PEPD: variants seen among roughly 807,000 people sequenced by gnomAD.
PEPD encodes xaa-Pro dipeptidase.
PEPD carries 53 observed loss-of-function variants against 60.7 expected under a neutral mutation model. That is an observed-to-expected ratio of 0.87 (90% confidence interval 0.70 to 1.10). The LOEUF is 1.10. PEPD is among the 50% of genes least tolerant of loss of function. PEPD has a pLI of 0.00. For missense variants in PEPD, 711 were observed against 711.9 expected (o/e 1.00, Z 0.01); for synonymous variants, 267 against 284.1 (o/e 0.94, Z 0.60).
chr19:33,404,645 T>A (rs1366569520), intron 11 of PEPD, among the ~76,000 whole-genome samples: 2 of 152,194 alleles, frequency 1.3e-5, no homozygotes, highest in Non-Finnish European at 2.9e-5. Flanking sequence ...CCAGCCTGAC[T>A]TTATCTTCCA....
chr19:33,387,406 C>T lies in PEPD; in HGVS notation c.1420G>A (p.Glu474Lys), dbSNP rs761839916. The T allele has an allele frequency of 4.2e-5, 67 of 1,614,006 alleles. No homozygotes were observed. Among genetic ancestry groups the T allele is most frequent in the Non-Finnish European group, 5.4e-5 (64 of 1,180,064 alleles). Residue 474 changes from glutamate (E) to lysine (K), a missense_variant, in exon 15 of 15, where the codon GAG (glutamate) becomes AAG (lysine). Glu to Lys is a moderately conservative substitution (Grantham distance 56). Coordinates refer to ENST00000244137, the MANE Select transcript of PEPD (RefSeq NM_000285.4). Reference sequence around the variant, plus strand: ...CAGCCTGCCATGCATGCTTCAATCTCTTCCACAGTGCGGGGCACGCAGGTC... The same window carrying T: ...CAGCCTGCCATGCATGCTTCAATCTTTTCCACAGTGCGGGGCACGCAGGTC... Reference protein sequence around the residue: ...LLTCVPRTVEEIEACMAGCDK... With the variant: ...LLTCVPRTVEKIEACMAGCDK...
At chr19:33,476,205 G>A (rs1568490610) in intron 7 of PEPD, among the ~76,000 whole-genome samples, 1 of 152,156 alleles carries the variant, frequency 6.6e-6, no homozygotes, top group East Asian at 1.9e-4. Flanking sequence ...TGAACTTGAA[G>A]AACACCAGCC....
At chr19:33,436,021 C>T (rs866397234) in intron 9 of PEPD, among the ~76,000 whole-genome samples, 1 of 152,178 alleles carries the variant, frequency 6.6e-6, no homozygotes, top group African/African-American at 2.4e-5. Flanking sequence ...CCCAGGGCTC[C>T]CTCTGACATC....
intron 2 of PEPD, 131 bp downstream of exon 2, chr19:33,512,462 C>A (rs1358557251): frequency 1.2e-6 from 1 of 868,514 alleles, no homozygotes; most frequent in African/African-American, 1.7e-5. Flanking sequence ...GGACCACTTC[C>A]CAGGCGAGGA....
intron 3 of PEPD, among the ~76,000 whole-genome samples, chr19:33,507,862 C>T (rs988530481): frequency 4.6e-5 from 7 of 152,108 alleles, no homozygotes; most frequent in Non-Finnish European, 8.8e-5. Flanking sequence ...CAGGGTCACT[C>T]CAGGACAGTG....
In PEPD at chr19:33,490,069, G is replaced by C. The variant is rs941969423; in HGVS notation, c.442-12C>G. The C allele has an allele frequency of 6.2e-7, 1 of 1,607,230 alleles. No homozygotes were observed. The highest frequency in any genetic ancestry group is 8.5e-7 in the Non-Finnish European group (1 of 1,174,428). On this transcript the variant is annotated splice_polypyrimidine_tract_variant and intron_variant, in intron 5 of 14. Transcript: ENST00000244137. Reference sequence around the variant, plus strand: ...GTGTTGACGCCACGCTGGGGAGAGAGAACACAGACATGACACACGGGGCCG... The same window carrying C: ...GTGTTGACGCCACGCTGGGGAGAGACAACACAGACATGACACACGGGGCCG...
At position 33,512,661 on chromosome 19, in the gene PEPD, T is replaced by C. The variant is rs369878645; in HGVS notation, c.133A>G (p.Ile45Val). ...RKNPAVQAGSIVVLQGGEETQ... is the reference protein window; with the variant it reads ...RKNPAVQAGSVVVLQGGEETQ... ...TCCTCCCCGCCCTGCAGGACCACGA[T>C]GGAGCCGGCCTGCACAGCAGGGTTC... Residue 45 changes from isoleucine to valine, a missense_variant, in exon 2 of 15, where the codon ATC becomes GTC. By Grantham distance (29) the Ile-to-Val change is conservative. Coordinates refer to ENST00000244137, the MANE Select transcript of PEPD (RefSeq NM_000285.4). 48 of 1,613,976 alleles carry C rather than the reference T, an allele frequency of 3.0e-5. No homozygotes were observed. In the African/African-American group the frequency reaches 4.5e-4, roughly 15 times the overall value.
At chr19:33,514,682 C>T (rs1970993875) in intron 1 of PEPD, among the ~76,000 whole-genome samples, 1 of 151,714 alleles carries the variant, frequency 6.6e-6, no homozygotes, top group Non-Finnish European at 1.5e-5. Context: ...GGGAGGAAGA[C>T]AGTGGATCCA....
chr19:33,464,639 G>C (rs1037766967), intron 7 of PEPD, among the ~76,000 whole-genome samples: 1 of 152,208 alleles, frequency 6.6e-6, no homozygotes, highest in Admixed American at 6.5e-5. Flanking sequence ...ACCAGGAGCA[G>C]AGAAGAGGGA....
chr19:33,512,006 C>A (rs1970936092), intron 2 of PEPD, among the ~76,000 whole-genome samples: 1 of 152,188 alleles, frequency 6.6e-6, no homozygotes, highest in Non-Finnish European at 1.5e-5. Flanking sequence ...ATATCCTCTC[C>A]ACACTCAGCT....
At chr19:33,401,694 G>T in intron 12 of PEPD, 27 bp downstream of exon 12, 7 of 1,595,070 alleles carry the variant, frequency 4.4e-6, no homozygotes, top group Non-Finnish European at 6.0e-6. Context: ...CGTCAGATGC[G>T]CCTCCCCCCA....
At chr19:33,393,827 A>G (rs1968297778) in intron 12 of PEPD, among the ~76,000 whole-genome samples, 1 of 151,966 alleles carries the variant, frequency 6.6e-6, no homozygotes, top group African/African-American at 2.4e-5. Flanking sequence ...CATCCTCCAG[A>G]GGCCAGACCA....
At chr19:33,403,140 G>A (rs1968541138) in intron 11 of PEPD, among the ~76,000 whole-genome samples, 3 of 152,186 alleles carry the variant, frequency 2.0e-5, no homozygotes, top group Non-Finnish European at 1.5e-5. Flanking sequence ...AGGGGGCGGA[G>A]GGGCGCAGGT....
At chr19:33,481,612 C>T (rs961403694) in intron 6 of PEPD, among the ~76,000 whole-genome samples, 1 of 151,980 alleles carries the variant, frequency 6.6e-6, no homozygotes, top group African/African-American at 2.4e-5. Flanking sequence ...CAGACCTTAA[C>T]AAGAGATCAA....
rs1970535765 is a variant in PEPD, at chr19:33,493,319, A to G, written c.412T>C (p.Ser138Pro). 1 of 1,613,584 alleles carries G rather than the reference A, an allele frequency of 6.2e-7. No individual in the cohort carries two copies. The highest frequency in any genetic ancestry group is 8.5e-7 in the Non-Finnish European group (1 of 1,179,544). The change falls in exon 5 of 15, where the codon TCA becomes CCA. Residue 138 changes from serine to proline, a missense_variant. By Grantham distance (74) the Ser-to-Pro change is moderately conservative. Transcript: ENST00000244137. The stretch of plus-strand genomic sequence containing the variant: ...GTGAGGAGGACAGAGGGCTTCTGTG[A>G]CGTCAGGACGCTGGCAATCTAGAAG... ...YVDEIASVLT[S>P]QKPSVLLTLR...
intron 1 of PEPD, among the ~76,000 whole-genome samples, chr19:33,513,502 C>T (rs1970966443): frequency 6.6e-6 from 1 of 152,188 alleles, no homozygotes; most frequent in African/African-American, 2.4e-5. Context: ...CCAGCAAGGT[C>T]TACCCTCATT....
intron 12 of PEPD, among the ~76,000 whole-genome samples, chr19:33,393,811 C>T (rs984332912): frequency 9.2e-5 from 14 of 152,278 alleles, no homozygotes; most frequent in Non-Finnish European, 7.3e-5. Flanking sequence ...TTCCTCTCTG[C>T]TGCTGCATCC....
At chr19:33,449,789 C>T (rs988512947) in intron 9 of PEPD, among the ~76,000 whole-genome samples, 4 of 152,174 alleles carry the variant, frequency 2.6e-5, no homozygotes, top group Admixed American at 6.5e-5. Flanking sequence ...CCGATCCCAG[C>T]GGGTGCCACG....
At chr19:33,454,122 T>C (rs915070336) in intron 9 of PEPD, among the ~76,000 whole-genome samples, 1 of 152,096 alleles carries the variant, frequency 6.6e-6, no homozygotes, top group Non-Finnish European at 1.5e-5. Flanking sequence ...ACAGACAAGA[T>C]GAGCCCGGTG....
Sources: gnomAD v4.1 joint callset for allele counts (sites outside exome capture counted in the v4.1 genomes callset) on GRCh38, gnomAD v4.1.1 for gene constraint, MANE v1.5 for transcripts, NCBI Gene and HGNC (gene_info 2026-07-23, HGNC 2026-07-21) for gene names.